Variants in ANKS6 observed in about 807,000 individuals in gnomAD.
ANKS6 encodes ankyrin repeat and sterile alpha motif domain containing 6.
Under a neutral mutation model 77.9 loss-of-function variants are expected in ANKS6, and 47 were observed. That is an observed-to-expected ratio of 0.60 (90% CI 0.48 to 0.77). The LOEUF (loss-of-function observed/expected upper bound fraction) is 0.77. Among genes scored for constraint, ANKS6 ranks in the 30% least tolerant of loss-of-function variants. The pLI is 0.00. For missense variants in ANKS6, 1,150 were observed against 1,159.1 expected (o/e 0.99, Z 0.11); for synonymous variants, 488 against 501.7 (o/e 0.97, Z 0.37).
chr9:98,771,545 C>T (rs1192179784), intron 9 of ANKS6, among the ~76,000 whole-genome samples: 1 of 152,230 alleles, frequency 6.6e-6, no homozygotes, highest in Non-Finnish European at 1.5e-5. Flanking sequence ...GGTGCCAGTG[C>T]TCCTGGTCAC....
intron 14 of ANKS6, among the ~76,000 whole-genome samples, chr9:98,742,742 G>C (rs1831906878): frequency 6.6e-6 from 1 of 151,316 alleles, no homozygotes. Flanking sequence ...GTGAGCTGGT[G>C]AGCTGGGCCC....
intron 11 of ANKS6, among the ~76,000 whole-genome samples, chr9:98,763,742 A>G (rs558148018): frequency 1.3e-5 from 2 of 151,904 alleles, no homozygotes; most frequent in East Asian, 1.9e-4. Flanking sequence ...ACTGATTAAG[A>G]AAAAAAGAGA....
At chr9:98,746,582 C>CTTTT (rs71496901) in intron 13 of ANKS6, among the ~76,000 whole-genome samples, 1 of 133,328 alleles carries the variant, frequency 7.5e-6, no homozygotes, top group South Asian at 2.5e-4. Context: ...GCACAGAGAG[C>CTTTT]TTTTTTTTTT....
At chr9:98,785,174 CCTTT>C (rs1232588673) in intron 2 of ANKS6, among the ~76,000 whole-genome samples, 1 of 152,202 alleles carries the variant, frequency 6.6e-6, no homozygotes, top group Non-Finnish European at 1.5e-5. Flanking sequence ...GTTGGCATAT[CCTTT>C]CTTAGATATA....
At chr9:98,763,741 GAA>G (rs564852462) in intron 11 of ANKS6, among the ~76,000 whole-genome samples, 142 of 151,602 alleles carry the variant, frequency 9.4e-4, no homozygotes, top group African/African-American at 3.3e-3. Context: ...AACTGATTAA[GAA>G]AAAAAGAGAG....
chr9:98,750,548 G>A (rs1420561451), intron 13 of ANKS6, among the ~76,000 whole-genome samples: 1 of 152,198 alleles, frequency 6.6e-6, no homozygotes, highest in Non-Finnish European at 1.5e-5. Flanking sequence ...GAGTAGGACT[G>A]CTGGGTCACA....
At chr9:98,777,510 G>T in intron 7 of ANKS6, 56 bp from the exon 8 acceptor site, 1 of 1,561,778 alleles carries the variant, frequency 6.4e-7, no homozygotes, top group Admixed American at 1.7e-5. Context: ...CACAGCATAA[G>T]GATGAGTGAC....
chr9:98,788,020 G>A (rs1225940474), intron 2 of ANKS6, among the ~76,000 whole-genome samples: 1 of 152,230 alleles, frequency 6.6e-6, no homozygotes, highest in Non-Finnish European at 1.5e-5. Flanking sequence ...TGGGAGCTTG[G>A]TGAACTGAGG....
chr9:98,784,297 A>T (rs1834443985), intron 3 of ANKS6, 140 bp from the exon 4 acceptor site: 2 of 680,542 alleles, frequency 2.9e-6, no homozygotes, highest in African/African-American at 3.7e-5. Context: ...GGATACTAAG[A>T]GGGCGTCAGA....
rs1306502549 is a variant in ANKS6 at position 98,796,173 on chromosome 9, G to A, written c.319C>T (p.Arg107Cys). The change falls in exon 1 of 15, where the codon CGC becomes TGC. Residue 107 changes from arginine to cysteine, a missense_variant. Transcript: ENST00000353234. Reference protein sequence around the residue: ...LLRRGASVNSRNHYGWSALMQ... With the variant: ...LLRRGASVNSCNHYGWSALMQ... ...AGCGCGCTCCAGCCGTAGTGGTTGC[G>A]GCTGTTGACCGAGGCACCGCGGCGC... 3.5e-6 allele frequency: 5 copies of A among 1,413,806 alleles called. No individual in the cohort carries two copies. Among genetic ancestry groups the A allele is most frequent in the Non-Finnish European group, 4.6e-6 (5 of 1,084,726 alleles). The allele number at this position is 1,413,806 out of a possible 1,614,324, so 87.6% of individuals were successfully genotyped here.
chr9:98,775,307 A>T (rs1833867602), intron 8 of ANKS6, among the ~76,000 whole-genome samples: 1 of 152,202 alleles, frequency 6.6e-6, no homozygotes, highest in African/African-American at 2.4e-5. Context: ...CAAGTGGGGG[A>T]AACGAAGGTA....
At chr9:98,763,793 T>C (rs2117981258) in intron 11 of ANKS6, among the ~76,000 whole-genome samples, 1 of 152,150 alleles carries the variant, frequency 6.6e-6, no homozygotes, top group East Asian at 1.9e-4. Context: ...AAAGGAGACA[T>C]TCCTACTGAT....
At chr9:98,751,331 G>C (rs1012463834) in intron 12 of ANKS6, among the ~76,000 whole-genome samples, 7 of 151,922 alleles carry the variant, frequency 4.6e-5, no homozygotes, top group African/African-American at 1.5e-4. Flanking sequence ...CTCCACGTCA[G>C]GCTGTGAAGA....
intron 11 of ANKS6, among the ~76,000 whole-genome samples, chr9:98,765,108 T>C (rs980943689): frequency 8.5e-5 from 13 of 152,206 alleles, no homozygotes; most frequent in Non-Finnish European, 7.3e-5. Flanking sequence ...GCTATACTAC[T>C]AATAAATTCT....
In ANKS6 at chr9:98,732,452, C is replaced by T; in HGVS notation, c.*4067G>A. ...CACATTTGGAGGGCAGGTCCATCGG[C>T]CACTCCTCACTTCTGTGGGCTCCGA... On this transcript the variant is annotated 3_prime_UTR_variant, in exon 15 of 15. Coordinates refer to ENST00000353234, the MANE Select transcript of ANKS6 (RefSeq NM_173551.5). 1 of 1,538,886 alleles carries T rather than the reference C, an allele frequency of 6.5e-7. No homozygotes were observed. Among genetic ancestry groups the T allele is most frequent in the Non-Finnish European group, 8.8e-7 (1 of 1,137,144 alleles).
chr9:98,753,766 G>A (rs759553347), intron 12 of ANKS6, among the ~76,000 whole-genome samples: 9 of 152,076 alleles, frequency 5.9e-5, no homozygotes, highest in South Asian at 2.1e-4. Context: ...ACATCATTAC[G>A]GGGTATTCAC....
At position 98,791,865 on chromosome 9, in the gene ANKS6, C is replaced by T. The variant is rs12238330; in HGVS notation, c.360-1259G>A. 2.4e-3 allele frequency among the ~76,000 whole-genome samples: 364 copies of T among 152,222 alleles called. 11 individuals are homozygous for T. In the East Asian group the frequency reaches 0.06, roughly 25 times the overall value. ...TGAACAGCATGGGGCTACTCAGCCACGAAGCAAGAGCCTGGTGACACAGCT... is the reference window on the plus strand; with the variant it reads ...TGAACAGCATGGGGCTACTCAGCCATGAAGCAAGAGCCTGGTGACACAGCT... On this transcript the variant is annotated intron_variant, in intron 1 of 14. Coordinates refer to ENST00000353234, the MANE Select transcript of ANKS6 (RefSeq NM_173551.5). The surrounding 1 kb of genome is among the most constrained non-coding windows in gnomAD (Gnocchi z 4.3).
At chr9:98,755,964 C>G (rs1832677049) in intron 12 of ANKS6, among the ~76,000 whole-genome samples, 1 of 152,160 alleles carries the variant, frequency 6.6e-6, no homozygotes, top group Non-Finnish European at 1.5e-5. Context: ...TACCTGAGAC[C>G]TGGAAACACT....
intron 14 of ANKS6, among the ~76,000 whole-genome samples, chr9:98,742,029 C>A (rs1389978487): frequency 6.6e-6 from 1 of 152,180 alleles, no homozygotes; most frequent in East Asian, 1.9e-4. Context: ...GCTGCTCATG[C>A]CCCATTAAAT....
Sources: gnomAD v4.1 joint callset for allele counts (sites outside exome capture counted in the v4.1 genomes callset) on GRCh38, gnomAD v4.1.1 for gene constraint, Gnocchi (gnomAD v3.1) non-coding constraint, MANE v1.5 for transcripts, NCBI Gene and HGNC (gene_info 2026-07-23, HGNC 2026-07-21) for gene names.